The following HECW2 variants were observed in gnomAD, a reference collection of about 807,000 sequenced individuals.
HECW2 encodes E3 ubiquitin-protein ligase HECW2.
In HECW2, 61 loss-of-function variants were observed where a neutral mutation model predicts 175.2. The ratio of observed to expected loss-of-function variants is 0.35; its 90% confidence interval spans 0.28 to 0.43. HECW2 has a LOEUF of 0.43. HECW2 is among the 20% of genes least tolerant of loss of function. HECW2 has a pLI of 1.00. For missense variants in HECW2, 1,524 were observed against 2,000.5 expected, an observed-to-expected ratio of 0.76 and a Z score of 4.54; for synonymous variants, 671 against 731.0, an observed-to-expected ratio of 0.92 and a Z score of 1.32.
At chr2:196,441,568 AG>A (rs1227921267) in intron 1 of HECW2, among the ~76,000 whole-genome samples, 3 of 152,176 alleles carry the variant, frequency 2.0e-5, no homozygotes, top group African/African-American at 7.2e-5. Flanking sequence ...ACCCATCCCC[AG>A]CAAGGCCAAT....
chr2:196,452,866 G>A (rs150700177), intron 1 of HECW2, among the ~76,000 whole-genome samples: 116 of 151,608 alleles, frequency 7.7e-4, no homozygotes, highest in African/African-American at 2.7e-3. Flanking sequence ...TTATCAATGG[G>A]AGACTGCCCA....
intron 17 of HECW2, among the ~76,000 whole-genome samples, chr2:196,258,412 G>C (rs1689151855): frequency 2.0e-5 from 3 of 152,168 alleles, no homozygotes; most frequent in Admixed American, 1.3e-4. Flanking sequence ...AAAAGCATAT[G>C]TATATATTCA....
At chr2:196,572,923 A>C (rs1322297723) in intron 1 of HECW2, among the ~76,000 whole-genome samples, 1 of 152,204 alleles carries the variant, frequency 6.6e-6, no homozygotes, top group African/African-American at 2.4e-5. Flanking sequence ...TTATTTAAGC[A>C]ACCCAGTTTA....
intron 2 of HECW2, among the ~76,000 whole-genome samples, chr2:196,429,246 G>T (rs1045910564): frequency 4.6e-5 from 7 of 151,798 alleles, no homozygotes; most frequent in African/African-American, 1.7e-4. Flanking sequence ...AGCCTGGGGG[G>T]GGCCTACCTG....
In HECW2 at chr2:196,586,778, C is replaced by T. The variant is rs902176945; in HGVS notation, c.-36+6730G>A. ...ACAAAAAAAAACTCTTCCTATAGCA[C>T]AAGTTTTCAGTGACAAATGAACAAA... On this transcript the variant is annotated intron_variant, in intron 1 of 28. Transcript: ENST00000644978. 4 of 151,220 alleles carry T rather than the reference C, an allele frequency of 2.6e-5. No homozygotes were observed. In the East Asian group the frequency reaches 7.7e-4, roughly 29 times the overall value. The allele number at this position is 151,220 out of a possible 1,614,324, so 9.4% of individuals were successfully genotyped here.
At chr2:196,274,158 A>C in intron 15 of HECW2, 35 bp from the exon 16 acceptor site, 1 of 1,519,998 alleles carries the variant, frequency 6.6e-7, no homozygotes, top group Non-Finnish European at 9.1e-7. Flanking sequence ...TTCTGCACCA[A>C]GAGCCAGAAT....
intron 1 of HECW2, among the ~76,000 whole-genome samples, chr2:196,514,586 G>A (rs928208048): frequency 1.3e-5 from 2 of 152,090 alleles, no homozygotes; most frequent in African/African-American, 4.8e-5. Context: ...CACGCCCATG[G>A]CTACCCATGG....
intron 2 of HECW2, among the ~76,000 whole-genome samples, chr2:196,382,343 A>G (rs2105923681): frequency 6.6e-6 from 1 of 152,036 alleles, no homozygotes; most frequent in African/African-American, 2.4e-5. Context: ...AAAAAAAGGG[A>G]AAAATTTGGA....
intron 1 of HECW2, among the ~76,000 whole-genome samples, chr2:196,493,849 A>G (rs142794919): frequency 4.9e-4 from 75 of 152,364 alleles, no homozygotes; most frequent in African/African-American, 1.6e-3. Context: ...GCTTCCCAAT[A>G]TAAGCATCTA....
chr2:196,320,070 G>T, intron 8 of HECW2, 166 bp from the exon 9 acceptor site: 1 of 737,778 alleles, frequency 1.4e-6, no homozygotes, highest in Non-Finnish European at 2.2e-6. Flanking sequence ...GAGACTGCTA[G>T]TCAGCTTGGC....
intron 2 of HECW2, among the ~76,000 whole-genome samples, chr2:196,425,590 G>C (rs1211197917): frequency 1.3e-5 from 2 of 152,102 alleles, no homozygotes; most frequent in Non-Finnish European, 2.9e-5. Flanking sequence ...TTCAGTGATG[G>C]AAGTCACTGT....
At chr2:196,585,284 T>C (rs1690934341) in intron 1 of HECW2, among the ~76,000 whole-genome samples, 1 of 152,226 alleles carries the variant, frequency 6.6e-6, no homozygotes, top group African/African-American at 2.4e-5. Context: ...ACCTCTTTTA[T>C]ACCCATTACT....
intron 17 of HECW2, among the ~76,000 whole-genome samples, chr2:196,260,748 C>T (rs1277386177): frequency 6.6e-6 from 1 of 152,180 alleles, no homozygotes; most frequent in African/African-American, 2.4e-5. Flanking sequence ...TGTCACCAAT[C>T]TTTTCTGAGA....
intron 1 of HECW2, 134 bp from the exon 2 acceptor site, chr2:196,433,592 C>T (rs988333825): frequency 7.4e-6 from 5 of 679,968 alleles, no homozygotes; most frequent in African/African-American, 7.2e-5. Flanking sequence ...CAAAATAAAA[C>T]CTATTATTCT....
intron 2 of HECW2, among the ~76,000 whole-genome samples, chr2:196,366,368 T>A (rs1033851485): frequency 1.3e-5 from 2 of 152,202 alleles, no homozygotes; most frequent in Non-Finnish European, 2.9e-5. Context: ...TCATCTTCGG[T>A]GGACAAGGAA....
Position 196,210,048 on chromosome 2 carries a change from C to T in HECW2, c.4607+5817G>A, listed in dbSNP as rs566485612. Among the ~76,000 whole-genome samples, 4 of 152,340 alleles carry T rather than the reference C, an allele frequency of 2.6e-5. No individual in the cohort carries two copies. The East Asian group carries it at 7.7e-4, about 29-fold the overall frequency. On this transcript the variant is annotated intron_variant, in intron 28 of 28. Coordinates refer to ENST00000644978, the MANE Select transcript of HECW2 (RefSeq NM_001348768.2). ...AAAGTGCTGGGATTACAGGCGTGAGCCACTGTGCCCAGCCTGGTTTTTCTT... is the reference window on the plus strand; with the variant it reads ...AAAGTGCTGGGATTACAGGCGTGAGTCACTGTGCCCAGCCTGGTTTTTCTT...
intron 2 of HECW2, among the ~76,000 whole-genome samples, chr2:196,415,565 G>A (rs1212876742): frequency 2.6e-5 from 4 of 151,318 alleles, no homozygotes; most frequent in Non-Finnish European, 5.9e-5. Flanking sequence ...CATCACAGCT[G>A]ACTTCCTGCT....
chr2:196,438,256 T>C (rs971408928), intron 1 of HECW2, among the ~76,000 whole-genome samples: 3 of 152,310 alleles, frequency 2.0e-5, no homozygotes, highest in East Asian at 1.9e-4. Flanking sequence ...AAACCAGCAC[T>C]GTCCAATTGA....
chr2:196,320,688 A>T (rs1691908921), intron 7 of HECW2, among the ~76,000 whole-genome samples: 1 of 152,214 alleles, frequency 6.6e-6, no homozygotes, highest in Non-Finnish European at 1.5e-5. Flanking sequence ...ACAAGACATC[A>T]TATGCTATGT....
Sources: gnomAD v4.1 joint callset for allele counts (sites outside exome capture counted in the v4.1 genomes callset) on GRCh38, gnomAD v4.1.1 for gene constraint, MANE v1.5 for transcripts, NCBI Gene and HGNC (gene_info 2026-07-23, HGNC 2026-07-21) for gene names.